Variants in GALNT1 observed in about 807,000 individuals in gnomAD.
GALNT1 encodes the protein polypeptide N-acetylgalactosaminyltransferase 1, also known as GalNAc transferase 1.
A neutral mutation model predicts 65.7 loss-of-function variants in GALNT1; 17 were observed. The ratio of observed to expected loss-of-function variants is 0.26; its 90% CI spans 0.18 to 0.39. GALNT1 has a LOEUF of 0.39. Among genes scored for constraint, GALNT1 ranks in the 10% least tolerant of loss-of-function variants. The probability of loss-of-function intolerance (pLI) is 1.00; values close to 1 mark genes in which losing one functional copy is unlikely to be tolerated. For missense variants in GALNT1, 460 were observed against 672.8 expected (o/e 0.68, Z 3.50); for synonymous variants, 210 against 219.7 (o/e 0.96, Z 0.39).
chr18:35,685,283 C>T (rs529258934), intron 5 of GALNT1, among the ~76,000 whole-genome samples: 10 of 151,950 alleles, frequency 6.6e-5, no homozygotes, highest in East Asian at 3.9e-4. Context: ...CTTGGTTTAG[C>T]GTAATATTAC....
chr18:35,651,774 C>T (rs1285175512), intron 1 of GALNT1, among the ~76,000 whole-genome samples: 2 of 152,194 alleles, frequency 1.3e-5, no homozygotes, highest in Non-Finnish European at 2.9e-5. Flanking sequence ...TCATTAAATA[C>T]ATTGTACTAG....
chr18:35,677,868 C>G lies in GALNT1; in HGVS notation c.481+111C>G, dbSNP rs1440014621. The G allele has an allele frequency of 6.5e-6, 5 of 766,698 alleles. No homozygotes were observed. In the African/African-American group the frequency reaches 8.9e-5, roughly 14 times the overall value. The allele number at this position is 766,698 out of a possible 1,614,324, so 47.5% of individuals were successfully genotyped here. ...AATTTTATACAAAATTCTAATTTAT[C>G]CCAAAAATATGGCATTTGGATTCAT... On this transcript the variant is annotated intron_variant, in intron 4 of 11. Transcript: ENST00000269195.
At chr18:35,648,095 G>A (rs1388747239) in intron 1 of GALNT1, among the ~76,000 whole-genome samples, 1 of 149,382 alleles carries the variant, frequency 6.7e-6, no homozygotes, top group African/African-American at 2.5e-5. Context: ...AGGGTGGAAG[G>A]GAGGGAGGAA....
At chr18:35,582,305 T>C (rs968589143) in intron 1 of GALNT1, among the ~76,000 whole-genome samples, 1 of 152,148 alleles carries the variant, frequency 6.6e-6, no homozygotes, top group African/African-American at 2.4e-5. Context: ...GACCCGGACC[T>C]AAATTAGCAA....
chr18:35,628,180 G>A (rs1043666335), intron 1 of GALNT1, among the ~76,000 whole-genome samples: 3 of 152,172 alleles, frequency 2.0e-5, no homozygotes, highest in Admixed American at 6.5e-5. Context: ...AAACCTCTGC[G>A]GACTTAAATG....
Position 35,692,241 on chromosome 18 carries a change from A to C in GALNT1, c.1220A>C (p.Gln407Pro). 1 of 1,609,188 alleles carries C rather than the reference A, an allele frequency of 6.2e-7. No individual in the cohort carries two copies. Among genetic ancestry groups the C allele is most frequent in the Non-Finnish European group, 8.5e-7 (1 of 1,175,960 alleles). ...SSRVGLRHKL[Q>P]CKPFSWYLEN... is the part of the protein sequence containing the mutation. ...AGAGTTGGTCTAAGACACAAACTAC[A>C]ATGCAAACCTTTTTCCTGGTACCTA... is the stretch of plus-strand genomic sequence containing the variant. The change falls in exon 9 of 12, where the codon CAA becomes CCA. Residue 407 changes from glutamine to proline, a missense_variant. Coordinates refer to ENST00000269195, the MANE Select transcript of GALNT1 (RefSeq NM_020474.4).
chr18:35,668,450 C>T (rs1040098851), intron 3 of GALNT1, among the ~76,000 whole-genome samples: 2 of 152,022 alleles, frequency 1.3e-5, no homozygotes, highest in Non-Finnish European at 2.9e-5. Context: ...AAAAAATCAA[C>T]AAAATCAAAA....
At chr18:35,659,248 G>C (rs991123071) in intron 2 of GALNT1, among the ~76,000 whole-genome samples, 1 of 152,172 alleles carries the variant, frequency 6.6e-6, no homozygotes, top group East Asian at 1.9e-4. Context: ...ATGGATTGAT[G>C]TCATTGTGAT....
chr18:35,601,324 C>T (rs1162888426), intron 1 of GALNT1, among the ~76,000 whole-genome samples: 1 of 151,792 alleles, frequency 6.6e-6, no homozygotes, highest in Non-Finnish European at 1.5e-5. Flanking sequence ...TTATGTAGGT[C>T]CTCTCCCTTT....
intron 4 of GALNT1, among the ~76,000 whole-genome samples, chr18:35,681,154 ACT>A (rs1189974637): frequency 6.6e-6 from 1 of 152,056 alleles, no homozygotes; most frequent in Non-Finnish European, 1.5e-5. Context: ...TGATGTTCAC[ACT>A]CTCTGACAAC....
At chr18:35,637,614 G>T (rs1200789956) in intron 1 of GALNT1, among the ~76,000 whole-genome samples, 3 of 152,214 alleles carry the variant, frequency 2.0e-5, no homozygotes, top group Non-Finnish European at 4.4e-5. Flanking sequence ...TCTCCACAAT[G>T]TAAAAACAAG....
rs981536725 is a variant in GALNT1 at position 35,590,193 on chromosome 18, T to C, written c.-104+8331T>C. On this transcript the variant is annotated intron_variant, in intron 1 of 11. Transcript: ENST00000269195. Reference sequence around the variant, plus strand: ...TTTGGGATTGTTTTGAGGGCAGATGTAGCAGCGGTGATGAGAGTTGAGAGT... The same window carrying C: ...TTTGGGATTGTTTTGAGGGCAGATGCAGCAGCGGTGATGAGAGTTGAGAGT... Among the ~76,000 whole-genome samples the C allele has an allele frequency of 2.6e-5, 4 of 152,354 alleles. No individual in the cohort carries two copies. In the East Asian group the frequency reaches 7.7e-4, roughly 29 times the overall value.
chr18:35,602,436 T>TCCCCGTC (rs2046593617), intron 1 of GALNT1, among the ~76,000 whole-genome samples: 1 of 152,194 alleles, frequency 6.6e-6, no homozygotes, highest in African/African-American at 2.4e-5. Context: ...CTGTTATTTA[T>TCCCCGTC]TTGAATAAGC....
At chr18:35,694,687 G>A (rs778042674) in intron 9 of GALNT1, among the ~76,000 whole-genome samples, 3 of 152,190 alleles carry the variant, frequency 2.0e-5, no homozygotes, top group Non-Finnish European at 2.9e-5. Context: ...CCACGTGTCC[G>A]TTCATTCTGG....
chr18:35,684,111 G>A (rs899954992), intron 5 of GALNT1, among the ~76,000 whole-genome samples: 5 of 152,176 alleles, frequency 3.3e-5, no homozygotes, highest in African/African-American at 9.6e-5. Flanking sequence ...AGTTTTTCAT[G>A]TTACACATTT....
At chr18:35,604,312 T>A (rs962212549) in intron 1 of GALNT1, among the ~76,000 whole-genome samples, 1 of 152,232 alleles carries the variant, frequency 6.6e-6, no homozygotes, top group African/African-American at 2.4e-5. Flanking sequence ...CTTTATCCAG[T>A]CAACTGCTGA....
At chr18:35,626,071 T>A (rs2046912898) in intron 1 of GALNT1, among the ~76,000 whole-genome samples, 1 of 152,170 alleles carries the variant, frequency 6.6e-6, no homozygotes, top group Non-Finnish European at 1.5e-5. Flanking sequence ...CCACTTGAGA[T>A]ATTGTTTTGC....
At chr18:35,694,451 T>C (rs775942758) in intron 9 of GALNT1, among the ~76,000 whole-genome samples, 5 of 151,994 alleles carry the variant, frequency 3.3e-5, no homozygotes, top group African/African-American at 7.2e-5. Flanking sequence ...TACTGAAAAA[T>C]TGGAACCCTT....
intron 1 of GALNT1, among the ~76,000 whole-genome samples, chr18:35,586,780 A>G (rs765254781): frequency 6.6e-6 from 1 of 152,018 alleles, no homozygotes; most frequent in Admixed American, 6.6e-5. Context: ...TTCCTCCTAC[A>G]CTTTTTTTCC....
Sources: gnomAD v4.1 joint callset for allele counts (sites outside exome capture counted in the v4.1 genomes callset) on GRCh38, gnomAD v4.1.1 for gene constraint, MANE v1.5 for transcripts, NCBI Gene and HGNC (gene_info 2026-07-23, HGNC 2026-07-21) for gene names.